ITPKB: variants seen among roughly 807,000 people sequenced by gnomAD.
ITPKB encodes the protein inositol-trisphosphate 3-kinase B.
A neutral mutation model predicts 69.4 loss-of-function variants in ITPKB; 13 were observed. The observed-to-expected ratio is 0.19, with a 90% CI of 0.12 to 0.30. The LOEUF is 0.30. Ranked by LOEUF, ITPKB falls within the 10% of genes least tolerant of loss-of-function variation. The pLI, the probability that ITPKB is intolerant of heterozygous loss-of-function variation, is 1.00. For missense variants in ITPKB, 1,240 were observed against 1,250.5 expected (o/e 0.99, Z 0.13); for synonymous variants, 584 against 513.7 (o/e 1.14, Z -1.85).
Position 226,637,290 on chromosome 1 carries a change from C to T in ITPKB, c.2625+389G>A, listed in dbSNP as rs1194657814. On this transcript the variant is annotated intron_variant, in intron 7 of 7. Transcript: ENST00000429204. The surrounding 1 kb of genome is among the most constrained non-coding windows in gnomAD (Gnocchi z 4.3). Reference sequence around the variant, plus strand: ...AGTGGCACCTGAAGACCTGCCTGCCCTCCTCAGGGTCTCATCTGAAGATGT... The same window carrying T: ...AGTGGCACCTGAAGACCTGCCTGCCTTCCTCAGGGTCTCATCTGAAGATGT... Among the ~76,000 whole-genome samples, 1 of 152,222 alleles carries T rather than the reference C, an allele frequency of 6.6e-6. No individual in the cohort carries two copies. Among genetic ancestry groups the T allele is most frequent in the African/African-American group, 2.4e-5 (1 of 41,454 alleles).
In ITPKB at chr1:226,640,009, C is replaced by T. The variant is rs1321635036; in HGVS notation, c.2452-351G>A. On this transcript the variant is annotated intron_variant, in intron 5 of 7. Transcript: ENST00000429204. ...CAACAGCAGGGCCAAGAGAGAGGGTCGGCCTCGACTTCCCACTCTGGGGCC... is the reference window on the plus strand; with the variant it reads ...CAACAGCAGGGCCAAGAGAGAGGGTTGGCCTCGACTTCCCACTCTGGGGCC... Among the ~76,000 whole-genome samples, 9 of 152,220 alleles carry T rather than the reference C, an allele frequency of 5.9e-5. No homozygotes were observed. The East Asian group carries it at 1.2e-3, about 20-fold the overall frequency.
Position 226,637,554 on chromosome 1 carries a change from T to C in ITPKB, c.2625+125A>G. On this transcript the variant is annotated intron_variant, in intron 7 of 7. Coordinates refer to ENST00000429204, the MANE Select transcript of ITPKB (RefSeq NM_002221.4). This position sits in a 1 kb window ranked among gnomAD's most constrained non-coding sequence, Gnocchi z 4.3. Reference sequence around the variant, plus strand: ...CCCCGTGCAGCGAGGGTCTGGTCCCTGATGGCCTGCCTCTGGCTGCACCAC... The same window carrying C: ...CCCCGTGCAGCGAGGGTCTGGTCCCCGATGGCCTGCCTCTGGCTGCACCAC... 1.3e-6 allele frequency: 1 copy of C among 744,748 alleles called. No individual in the cohort carries two copies. Among genetic ancestry groups the C allele is most frequent in the East Asian group, 2.7e-5 (1 of 37,514 alleles). 46.1% of individuals were successfully genotyped at this position (744,748 alleles called of 1,614,324 possible).
intron 2 of ITPKB, among the ~76,000 whole-genome samples, chr1:226,710,533 C>T (rs567385536): frequency 5.3e-4 from 81 of 152,322 alleles, no homozygotes; most frequent in African/African-American, 1.8e-3. Context: ...GGGATCCCGC[C>T]CCTTGACTCT....
chr1:226,695,895 G>A (rs1021428108), intron 2 of ITPKB, among the ~76,000 whole-genome samples: 4 of 152,170 alleles, frequency 2.6e-5, no homozygotes, highest in Non-Finnish European at 4.4e-5. Flanking sequence ...GGGAAGAGAG[G>A]GAAGCGGGGA....
At chr1:226,714,660 T>G (rs1290888338) in intron 2 of ITPKB, among the ~76,000 whole-genome samples, 1 of 152,258 alleles carries the variant, frequency 6.6e-6, no homozygotes, top group Non-Finnish European at 1.5e-5. Flanking sequence ...CGTGAATCCC[T>G]TCAAAATTCA....
rs185852300 is a variant in ITPKB, at chr1:226,639,439, G to C, written c.2553+118C>G. 15 of 725,402 alleles carry C rather than the reference G, an allele frequency of 2.1e-5. No individual in the cohort carries two copies. In the Admixed American group the frequency reaches 2.6e-4, roughly 13 times the overall value. 44.9% of individuals were successfully genotyped at this position (725,402 alleles called of 1,614,324 possible). On this transcript the variant is annotated intron_variant, in intron 6 of 7. Transcript: ENST00000429204. ...CCTCTCTACAGAGCCCTACGAACTC[G>C]GGCTGGGGTGTGCTGTCCCTGGGGG...
chr1:226,638,588 G>A (rs900865005), intron 6 of ITPKB, among the ~76,000 whole-genome samples: 1 of 152,170 alleles, frequency 6.6e-6, no homozygotes, highest in African/African-American at 2.4e-5. Flanking sequence ...TGACTCAGCT[G>A]GAAGGGTCAG....
intron 4 of ITPKB, among the ~76,000 whole-genome samples, chr1:226,646,924 G>A (rs1171341689): frequency 6.6e-6 from 1 of 152,158 alleles, no homozygotes. Flanking sequence ...TTCTGGTTCC[G>A]CCAGCCCCTG....
chr1:226,638,859 C>T (rs549470002), intron 6 of ITPKB, among the ~76,000 whole-genome samples: 85 of 152,108 alleles, frequency 5.6e-4, no homozygotes, highest in African/African-American at 1.8e-3. Context: ...TGTTCTCTCT[C>T]TCAGGGCATG....
rs1657891691 is a variant in ITPKB at position 226,738,607 on chromosome 1, T to C, written c.-206+434A>G. ...ACTCGGAGGAACTTAGGGGCGTGCA[T>C]GGCTGCAGCCGGGCAGCAGCCCTAG... On this transcript the variant is annotated intron_variant, in intron 1 of 7. Transcript: ENST00000429204. This position sits in a 1 kb window ranked among gnomAD's most constrained non-coding sequence, Gnocchi z 4.2. Among the ~76,000 whole-genome samples, 1 of 152,134 alleles carries C rather than the reference T, an allele frequency of 6.6e-6. No homozygotes were observed.
chr1:226,684,941 G>A (rs1310172731), intron 2 of ITPKB, among the ~76,000 whole-genome samples: 3 of 152,194 alleles, frequency 2.0e-5, no homozygotes, highest in Middle Eastern at 3.2e-3. Flanking sequence ...AACATTCCCA[G>A]GGTGGCAGAT....
intron 2 of ITPKB, among the ~76,000 whole-genome samples, chr1:226,664,831 G>A (rs892866449): frequency 2.0e-5 from 3 of 152,222 alleles, no homozygotes; most frequent in Non-Finnish European, 4.4e-5. Context: ...CCTTGGGAAT[G>A]TGGGCAGCTG....
chr1:226,736,177 T>C lies in ITPKB; in HGVS notation c.1282A>G (p.Ser428Gly), dbSNP rs747182839. The C allele has an allele frequency of 1.9e-6, 3 of 1,549,190 alleles. No individual in the cohort carries two copies. The highest frequency in any genetic ancestry group is 2.6e-6 in the Non-Finnish European group (3 of 1,148,590). Residue 428 changes from serine (S) to glycine (G), a missense_variant, in exon 2 of 8, where the codon AGT becomes GGT. Transcript: ENST00000429204. ...CGCCCCCCGCCCACGGGGGCCCCAC[T>C]TCGGGCCTCCTCAGGGCCTACGGAG... is the stretch of plus-strand genomic sequence containing the variant. ...LASVGPEEAR[S>G]GAPVGGGRWQ...
chr1:226,720,690 G>A (rs893131252), intron 2 of ITPKB, among the ~76,000 whole-genome samples: 57 of 152,082 alleles, frequency 3.7e-4, no homozygotes, highest in African/African-American at 1.2e-3. Context: ...TTTTACAGCC[G>A]TACCACCTGT....
intron 2 of ITPKB, among the ~76,000 whole-genome samples, chr1:226,697,018 CT>C (rs1477801195): frequency 6.6e-6 from 1 of 152,222 alleles, no homozygotes; most frequent in Non-Finnish European, 1.5e-5. Context: ...ATCCAGGCCT[CT>C]TGGGAACAAA....
rs1422821746 is a variant in ITPKB, at chr1:226,642,450, G to T, written c.2247-325C>A. 6.6e-6 allele frequency among the ~76,000 whole-genome samples: 1 copy of T among 152,066 alleles called. No homozygotes were observed. Among genetic ancestry groups the T allele is most frequent in the Non-Finnish European group, 1.5e-5 (1 of 68,022 alleles). On this transcript the variant is annotated intron_variant, in intron 4 of 7. Coordinates refer to ENST00000429204, the MANE Select transcript of ITPKB (RefSeq NM_002221.4). This position sits in a 1 kb window ranked among gnomAD's most constrained non-coding sequence, Gnocchi z 6.4. ...CTCCCAAAGTGCTGGGATTACAGGT[G>T]TGCACCACCACCCAGCCTGGGGTTG...
intron 2 of ITPKB, among the ~76,000 whole-genome samples, chr1:226,680,616 G>A (rs1018010541): frequency 3.3e-5 from 5 of 152,160 alleles, no homozygotes; most frequent in Non-Finnish European, 2.9e-5. Flanking sequence ...GGGGCCCCAG[G>A]CTTTTCAGCA....
intron 2 of ITPKB, among the ~76,000 whole-genome samples, chr1:226,718,521 A>C (rs966391350): frequency 6.6e-6 from 1 of 151,962 alleles, no homozygotes; most frequent in Admixed American, 6.6e-5. Context: ...GGATCCCTTG[A>C]ATCTAGGAAG....
chr1:226,636,752 C>G (rs1217834466), intron 7 of ITPKB, among the ~76,000 whole-genome samples: 26 of 140,090 alleles, frequency 1.9e-4, no homozygotes, highest in African/African-American at 3.0e-4. Context: ...GACTGCAGCT[C>G]TGTGTGTGTG....
Sources: gnomAD v4.1 joint callset for allele counts (sites outside exome capture counted in the v4.1 genomes callset) on GRCh38, gnomAD v4.1.1 for gene constraint, Gnocchi (gnomAD v3.1) non-coding constraint, MANE v1.5 for transcripts, NCBI Gene and HGNC (gene_info 2026-07-23, HGNC 2026-07-21) for gene names.